ASTN2: variants seen among roughly 807,000 people sequenced by gnomAD.
ASTN2 encodes astrotactin 2, also known as astrotactin-2.
A neutral mutation model predicts 139.8 loss-of-function variants in ASTN2; 54 were observed. That is an observed-to-expected ratio of 0.39 (90% CI 0.31 to 0.48). ASTN2 has a LOEUF of 0.48. Ranked by LOEUF, ASTN2 falls within the 20% of genes least tolerant of loss-of-function variation. The pLI, the probability that ASTN2 is intolerant of heterozygous loss-of-function variation, is 0.95. For missense variants in ASTN2, 1,565 were observed against 1,725.1 expected (o/e 0.91, Z 1.64); for synonymous variants, 756 against 719.5 (o/e 1.05, Z -0.81).
intron 13 of ASTN2, among the ~76,000 whole-genome samples, chr9:116,743,659 C>T (rs1829155388): frequency 6.6e-6 from 1 of 152,192 alleles, no homozygotes; most frequent in African/African-American, 2.4e-5. Context: ...GGGTGTGCCA[C>T]CCCACCGAGC....
At chr9:116,668,154 T>C (rs1351405257) in intron 16 of ASTN2, among the ~76,000 whole-genome samples, 1 of 151,894 alleles carries the variant, frequency 6.6e-6, no homozygotes, top group African/African-American at 2.4e-5. Flanking sequence ...TTCCAGAATG[T>C]CATACAGTGG....
chr9:117,233,020 G>T (rs1318435237), intron 2 of ASTN2, among the ~76,000 whole-genome samples: 1 of 152,046 alleles, frequency 6.6e-6, no homozygotes, highest in Non-Finnish European at 1.5e-5. Flanking sequence ...GCTCTGCCTG[G>T]ATTCTGGAGC....
intron 16 of ASTN2, 106 bp from the exon 17 acceptor site, chr9:116,651,899 G>A: frequency 1.4e-6 from 2 of 1,380,440 alleles, no homozygotes; most frequent in Non-Finnish European, 9.8e-7. Flanking sequence ...GGTATCCATT[G>A]AGGAAGTAAA....
At chr9:117,213,870 G>A (rs901138800) in intron 3 of ASTN2, among the ~76,000 whole-genome samples, 11 of 152,160 alleles carry the variant, frequency 7.2e-5, no homozygotes, top group Non-Finnish European at 1.2e-4. Flanking sequence ...GGGTGTTTAG[G>A]TTGTTTAAAA....
At chr9:116,491,725 C>T (rs2119102277) in intron 19 of ASTN2, among the ~76,000 whole-genome samples, 1 of 152,312 alleles carries the variant, frequency 6.6e-6, no homozygotes, top group Admixed American at 6.5e-5. Flanking sequence ...CTAAGAAAGG[C>T]ATGGGGGCTT....
At chr9:117,277,236 T>G (rs1834214841) in intron 2 of ASTN2, 1 of 152,222 alleles carries the variant, frequency 6.6e-6, no homozygotes, top group East Asian at 1.9e-4. Context: ...GCTGTAAGTT[T>G]ATGATTCTCC....
chr9:117,308,945 G>A (rs1382664202), intron 1 of ASTN2, among the ~76,000 whole-genome samples: 1 of 152,102 alleles, frequency 6.6e-6, no homozygotes, highest in African/African-American at 2.4e-5. Context: ...AATCAGTGAA[G>A]AAAGAGAGAT....
chr9:117,189,807 T>C (rs1831300217), intron 3 of ASTN2, among the ~76,000 whole-genome samples: 1 of 152,116 alleles, frequency 6.6e-6, no homozygotes, highest in Admixed American at 6.5e-5. Context: ...GCCTGGCTGG[T>C]AAAACAAAAC....
chr9:117,340,396 G>A (rs990515667), intron 1 of ASTN2, among the ~76,000 whole-genome samples: 7 of 150,178 alleles, frequency 4.7e-5, no homozygotes, highest in African/African-American at 7.4e-5. Context: ...TGACTACTTC[G>A]GGGAAGAGAT....
At chr9:117,386,142 AG>A (rs113142800) in intron 1 of ASTN2, among the ~76,000 whole-genome samples, 7 of 151,854 alleles carry the variant, frequency 4.6e-5, no homozygotes, top group African/African-American at 9.7e-5. Context: ...GGAGGAAAGG[AG>A]GGGAAAAAAA....
Position 117,167,161 on chromosome 9 carries a change from C to A in ASTN2, c.1016-25683G>T, listed in dbSNP as rs72762210. On this transcript the variant is annotated intron_variant, in intron 3 of 22. Transcript: ENST00000313400. ...ATCTGAAAAAAACCTCAAAATACTT[C>A]GAGCGAAACACACGATCTATATTGA... Among the ~76,000 whole-genome samples, 20 of 152,070 alleles carry A rather than the reference C, an allele frequency of 1.3e-4. No homozygotes were observed. The South Asian group carries it at 3.7e-3, about 28-fold the overall frequency.
chr9:116,883,867 G>C (rs1475355916), intron 10 of ASTN2, among the ~76,000 whole-genome samples: 1 of 152,170 alleles, frequency 6.6e-6, no homozygotes, highest in Non-Finnish European at 1.5e-5. Context: ...TTCTGGATTT[G>C]GGACAGCATG....
At chr9:117,278,432 A>C (rs1834245910) in intron 2 of ASTN2, among the ~76,000 whole-genome samples, 1 of 152,192 alleles carries the variant, frequency 6.6e-6, no homozygotes, top group Non-Finnish European at 1.5e-5. Flanking sequence ...GCACACTCCC[A>C]GTGAAAATAT....
At chr9:117,154,803 T>A (rs1365631619) in intron 3 of ASTN2, among the ~76,000 whole-genome samples, 1 of 152,058 alleles carries the variant, frequency 6.6e-6, no homozygotes, top group African/African-American at 2.4e-5. Flanking sequence ...TCTGAGCCTC[T>A]CAGTTGTCCT....
chr9:116,927,284 A>G (rs1663722924), intron 10 of ASTN2, among the ~76,000 whole-genome samples: 1 of 152,108 alleles, frequency 6.6e-6, no homozygotes, highest in African/African-American at 2.4e-5. Context: ...ACTGGTTTCT[A>G]CTGTTAAAGG....
At chr9:116,442,025 T>C (rs1352628264) in intron 21 of ASTN2, among the ~76,000 whole-genome samples, 1 of 152,222 alleles carries the variant, frequency 6.6e-6, no homozygotes, top group Non-Finnish European at 1.5e-5. Flanking sequence ...GATCTGCTAA[T>C]GATGTCTGCT....
chr9:116,845,074 G>A (rs56167711), intron 11 of ASTN2, among the ~76,000 whole-genome samples: 34,989 of 152,136 alleles, frequency 0.23, 4,669 homozygotes, highest in Admixed American at 0.3. Flanking sequence ...CAAACATGGG[G>A]GCGTTTGACT....
At chr9:116,911,563 C>CTT (rs1353470906) in intron 10 of ASTN2, among the ~76,000 whole-genome samples, 5 of 152,168 alleles carry the variant, frequency 3.3e-5, no homozygotes. Flanking sequence ...ATGCTGGTTT[C>CTT]TTAGTTTTTA....
chr9:117,120,018 G>GTGTATGTATATATATATATATATATA (rs1306397698), intron 4 of ASTN2, among the ~76,000 whole-genome samples: 14 of 46,000 alleles, frequency 3.0e-4, no homozygotes, highest in Non-Finnish European at 5.1e-4. Context: ...GTGTGTGTGT[G>GTGTATGTATATATATATATATATATA]TATATATATA....
Sources: allele counts gnomAD v4.1 joint callset (sites outside exome capture counted in the v4.1 genomes callset), GRCh38; gene constraint gnomAD v4.1.1; transcripts MANE v1.5; gene names NCBI Gene and HGNC (gene_info 2026-07-23, HGNC 2026-07-21).